PIGM: variants seen among roughly 807,000 people sequenced by gnomAD.
The protein encoded by PIGM is GPI alpha-1,4-mannosyltransferase I, catalytic subunit.
A neutral mutation model predicts 14.6 loss-of-function variants in PIGM; 7 were observed. The ratio of observed to expected loss-of-function variants is 0.48; its 90% confidence interval spans 0.27 to 0.90. The LOEUF (loss-of-function observed/expected upper bound fraction) is 0.90. PIGM is among the 40% of genes least tolerant of loss of function. PIGM has a pLI of 0.12. For missense variants in PIGM, 506 were observed against 516.2 expected (o/e 0.98, Z 0.19); for synonymous variants, 216 against 215.9 (o/e 1.00, Z 0.00).
chr1:160,031,873 C>A lies in PIGM; in HGVS notation c.-134G>T. 2 of 1,055,270 alleles carry A rather than the reference C, an allele frequency of 1.9e-6. No homozygotes were observed. Among genetic ancestry groups the A allele is most frequent in the South Asian group, 1.3e-5 (1 of 74,640 alleles). The allele number at this position is 1,055,270 out of a possible 1,614,324, so 65.4% of individuals were successfully genotyped here. A position where few individuals can be genotyped will look rare whatever the true frequency, so the allele number is the denominator to read the frequency against. On this transcript the variant is annotated 5_prime_UTR_variant, in exon 1 of 1. Transcript: ENST00000368090. Reference sequence around the variant, plus strand: ...GGCTGCCAACCGAAACGACTGCAGACTATCACATCCGGCATGAAGCCCCGC... The same window carrying A: ...GGCTGCCAACCGAAACGACTGCAGAATATCACATCCGGCATGAAGCCCCGC...
Position 160,031,662 on chromosome 1 carries a change from A to G in PIGM, c.78T>C (p.Phe26=). 1.9e-6 allele frequency: 3 copies of G among 1,614,174 alleles called. No homozygotes were observed. Among genetic ancestry groups the G allele is most frequent in the Non-Finnish European group, 2.5e-6 (3 of 1,180,032 alleles). The change falls in exon 1 of 1, where the codon TTT becomes TTC. Residue 26 remains phenylalanine (F), a synonymous_variant. Transcript: ENST00000368090. The part of the protein sequence containing the change: ...VAPAGVFGVA[F]LARVALVFYG... ...AGAAAACCAGGGCGACTCTGGCTAG[A>G]AAGGCCACACCAAAGACGCCGGCTG... is the stretch of plus-strand genomic sequence containing the variant.
chr1:160,031,905 A>ACTG lies in PIGM; in HGVS notation c.-169_-167dup. Reference sequence around the variant, plus strand: ...ATCCGGCATGAAGCCCCGCCCCCGTACTGCTACCTGTCTCCAGCCCCGCGC... The same window carrying ACTG: ...ATCCGGCATGAAGCCCCGCCCCCGTACTGCTGCTACCTGTCTCCAGCCCCGCGC... On this transcript the variant is annotated 5_prime_UTR_variant, in exon 1 of 1. Transcript: ENST00000368090. 3 of 885,858 alleles carry ACTG rather than the reference A, an allele frequency of 3.4e-6. No individual in the cohort carries two copies. In the South Asian group the frequency reaches 4.3e-5, roughly 13 times the overall value. 54.9% of individuals were successfully genotyped at this position (885,858 alleles called of 1,614,324 possible).
chr1:160,027,856 C>T lies in PIGM; in HGVS notation c.*2612G>A, dbSNP rs1648221344. 1 of 151,956 alleles carries T rather than the reference C, an allele frequency of 6.6e-6. No homozygotes were observed. The highest frequency in any genetic ancestry group is 2.4e-5 in the African/African-American group (1 of 41,348). The allele number at this position is 151,956 out of a possible 1,614,324, so 9.4% of individuals were successfully genotyped here. On this transcript the variant is annotated 3_prime_UTR_variant, in exon 1 of 1. Coordinates refer to ENST00000368090, the MANE Select transcript of PIGM (RefSeq NM_145167.3). The stretch of plus-strand genomic sequence containing the variant: ...TAAATGTTTTGGAACATACAAAGTG[C>T]AAAATATCTTTTGCATCCCTTTAAG...
In PIGM at chr1:160,030,422, A is replaced by G; in HGVS notation, c.*46T>C. ...CCCAAAGCTCTCTTCTGGTCCATAC[A>G]AGACAATCAGAATGTAACACAGTAG... On this transcript the variant is annotated 3_prime_UTR_variant, in exon 1 of 1. Transcript: ENST00000368090. 6.4e-7 allele frequency: 1 copy of G among 1,560,146 alleles called. No homozygotes were observed.
Position 160,031,510 on chromosome 1 carries a change from G to C in PIGM, c.230C>G (p.Thr77Ser), listed in dbSNP as rs143391350. 1.9e-6 allele frequency: 3 copies of C among 1,614,114 alleles called. No homozygotes were observed. Among genetic ancestry groups the C allele is most frequent in the African/African-American group, 1.3e-5 (1 of 74,934 alleles). ...AGTGAGGAGCCAACCCAGCAGCGGG[G>C]TGTAACGGTACGTGGCTCTCAGGTA... ...SPYLRATYRYTPLLGWLLTPN... is the reference protein window; with the variant it reads ...SPYLRATYRYSPLLGWLLTPN... The change falls in exon 1 of 1, where the codon ACC (threonine) becomes AGC (serine). Residue 77 changes from threonine to serine, a missense_variant. Thr to Ser is a moderately conservative substitution (Grantham distance 58). Transcript: ENST00000368090.
rs1331044870 is a variant in PIGM, at chr1:160,026,829, A to G, written c.*3639T>C. 6.6e-6 allele frequency: 1 copy of G among 152,006 alleles called. No homozygotes were observed. Among genetic ancestry groups the G allele is most frequent in the Non-Finnish European group, 1.5e-5 (1 of 67,972 alleles). The allele number at this position is 152,006 out of a possible 1,614,324, so 9.4% of individuals were successfully genotyped here. On this transcript the variant is annotated 3_prime_UTR_variant, in exon 1 of 1. Transcript: ENST00000368090. ...TGACAAAGCAACATCTTGTCTCAGAAAAATAAAAAAATAAAATAGTTGGAG... is the reference window on the plus strand; with the variant it reads ...TGACAAAGCAACATCTTGTCTCAGAGAAATAAAAAAATAAAATAGTTGGAG...
At position 160,031,353 on chromosome 1, in the gene PIGM, GAC is replaced by G. The variant is rs1188837664; in HGVS notation, c.385_386del (p.Val129LeufsTer5). On this transcript the variant is annotated frameshift_variant, in exon 1 of 1. Transcript: ENST00000368090. LOFTEE classifies it low-confidence loss of function (END_TRUNC). ...LGRRQACGYC[V>X]FWLLNPLPMA... ...TAGGCAGGGGGTTAAGAAGCCAAAA[GAC>G]ACAGTAGCCACAAGCCTGGCGGCGC... The G allele has an allele frequency of 6.2e-7, 1 of 1,608,726 alleles. No homozygotes were observed. The highest frequency in any genetic ancestry group is 8.5e-7 in the Non-Finnish European group (1 of 1,176,580).
Position 160,031,314 on chromosome 1 carries a change from G to A in PIGM, c.426C>T (p.Ser142=). 6.2e-7 allele frequency: 1 copy of A among 1,613,814 alleles called. No individual in the cohort carries two copies. Among genetic ancestry groups the A allele is most frequent in the Non-Finnish European group, 8.5e-7 (1 of 1,179,858 alleles). The change falls in exon 1 of 1, where the codon AGC becomes AGT. Residue 142 remains serine, a synonymous_variant. Transcript: ENST00000368090. The part of the protein sequence containing the change: ...LLNPLPMAVS[S]RGNADSIVAS... ...CGACAATAGAGTCCGCATTACCGCG[G>A]CTGGATACTGCCATAGGCAGGGGGT...
chr1:160,027,665 C>T lies in PIGM; in HGVS notation c.*2803G>A, dbSNP rs1349078318. On this transcript the variant is annotated 3_prime_UTR_variant, in exon 1 of 1. Coordinates refer to ENST00000368090, the MANE Select transcript of PIGM (RefSeq NM_145167.3). ...AAAAAAGAATTATATAGGAAATAAG[C>T]CAAAGTCTTATAAAATTTGAAGGTG... is the stretch of plus-strand genomic sequence containing the variant. 6.6e-6 allele frequency: 1 copy of T among 151,296 alleles called. No individual in the cohort carries two copies. The highest frequency in any genetic ancestry group is 1.5e-5 in the Non-Finnish European group (1 of 67,878). 9.4% of individuals were successfully genotyped at this position (151,296 alleles called of 1,614,324 possible).
rs570678144 is a variant in PIGM at position 160,027,983 on chromosome 1, A to G, written c.*2485T>C. On this transcript the variant is annotated 3_prime_UTR_variant, in exon 1 of 1. Transcript: ENST00000368090. ...GCAGAAATGTTTCTAACTTCTAAGA[A>G]TGTCCTAAGAGAATGAGCTAAAACA... The G allele has an allele frequency of 6.6e-6, 1 of 152,194 alleles. No individual in the cohort carries two copies. Among genetic ancestry groups the G allele is most frequent in the Non-Finnish European group, 1.5e-5 (1 of 68,028 alleles). The allele number at this position is 152,194 out of a possible 1,614,324, so 9.4% of individuals were successfully genotyped here. A position where few individuals can be genotyped will look rare whatever the true frequency, so the allele number is the denominator to read the frequency against.
rs1648288431 is a variant in PIGM at position 160,030,249 on chromosome 1, C to T, written c.*219G>A. ...TCCAATATGTGACCTTTATTCCCAC[C>T]ATGTCCCAAATAAACGAGTCCTAGG... On this transcript the variant is annotated 3_prime_UTR_variant, in exon 1 of 1. Coordinates refer to ENST00000368090, the MANE Select transcript of PIGM (RefSeq NM_145167.3). 4 of 510,842 alleles carry T rather than the reference C, an allele frequency of 7.8e-6. No individual in the cohort carries two copies. In the South Asian group the frequency reaches 8.4e-5, roughly 11 times the overall value. 31.6% of individuals were successfully genotyped at this position (510,842 alleles called of 1,614,324 possible). A position where few individuals can be genotyped will look rare whatever the true frequency, so the allele number is the denominator to read the frequency against.
chr1:160,028,230 C>T lies in PIGM; in HGVS notation c.*2238G>A, dbSNP rs937952137. 1 of 151,578 alleles carries T rather than the reference C, an allele frequency of 6.6e-6. No homozygotes were observed. Among genetic ancestry groups the T allele is most frequent in the African/African-American group, 2.4e-5 (1 of 41,240 alleles). The allele number at this position is 151,578 out of a possible 1,614,324, so 9.4% of individuals were successfully genotyped here. A position where few individuals can be genotyped will look rare whatever the true frequency, so the allele number is the denominator to read the frequency against. On this transcript the variant is annotated 3_prime_UTR_variant, in exon 1 of 1. Transcript: ENST00000368090. The stretch of plus-strand genomic sequence containing the variant: ...GTCAGAAATACAAAAAAAGGGACAA[C>T]TATACTGGAATGATGAAATTCGATT...
rs1362583470 is a variant in PIGM at position 160,027,849 on chromosome 1, C to T, written c.*2619G>A. On this transcript the variant is annotated 3_prime_UTR_variant, in exon 1 of 1. Coordinates refer to ENST00000368090, the MANE Select transcript of PIGM (RefSeq NM_145167.3). ...AACTTACTAAATGTTTTGGAACATA[C>T]AAAGTGCAAAATATCTTTTGCATCC... is the stretch of plus-strand genomic sequence containing the variant. The T allele has an allele frequency of 6.6e-6, 1 of 151,942 alleles. No individual in the cohort carries two copies. The highest frequency in any genetic ancestry group is 2.4e-5 in the African/African-American group (1 of 41,352). The allele number at this position is 151,942 out of a possible 1,614,324, so 9.4% of individuals were successfully genotyped here. A position where few individuals can be genotyped will look rare whatever the true frequency, so the allele number is the denominator to read the frequency against.
rs544329863 is a variant in PIGM at position 160,025,001 on chromosome 1, T to C, written c.*5467A>G. The C allele has an allele frequency of 4.6e-5, 7 of 152,260 alleles. No homozygotes were observed. The highest frequency in any genetic ancestry group is 8.8e-5 in the Non-Finnish European group (6 of 68,042). 9.4% of individuals were successfully genotyped at this position (152,260 alleles called of 1,614,324 possible). A position where few individuals can be genotyped will look rare whatever the true frequency, so the allele number is the denominator to read the frequency against. On this transcript the variant is annotated 3_prime_UTR_variant, in exon 1 of 1. Transcript: ENST00000368090. Reference sequence around the variant, plus strand: ...ATCTTTTCAAAGGAACAGGTCAAGATGAGAATAAAGTTTATGATCAAAGGT... The same window carrying C: ...ATCTTTTCAAAGGAACAGGTCAAGACGAGAATAAAGTTTATGATCAAAGGT...
At position 160,031,771 on chromosome 1, in the gene PIGM, G is replaced by A. The variant is rs1648345849; in HGVS notation, c.-32C>T. ...ACCGTGCGACAGCTGCTTAGCCCCA[G>A]CTCCAAACTGCCTTCGTACTTCTAA... On this transcript the variant is annotated 5_prime_UTR_variant, in exon 1 of 1. Transcript: ENST00000368090. 1.2e-6 allele frequency: 2 copies of A among 1,612,866 alleles called. No individual in the cohort carries two copies. The highest frequency in any genetic ancestry group is 2.2e-5 in the South Asian group (2 of 91,038).
Position 160,030,622 on chromosome 1 carries a change from G to A in PIGM, c.1118C>T (p.Ala373Val), listed in dbSNP as rs1648298583. Residue 373 changes from alanine to valine, a missense_variant, in exon 1 of 1, where the codon GCT becomes GTT. Coordinates refer to ENST00000368090, the MANE Select transcript of PIGM (RefSeq NM_145167.3). ...LWFIGQAMWL[A>V]PAYVLEFQGK... ...TTGAAACTCTAGAACATAGGCAGGA[G>A]CCAGCCACATGGCCTGCCCTATAAA... The A allele has an allele frequency of 6.2e-7, 1 of 1,614,082 alleles. No individual in the cohort carries two copies. Among genetic ancestry groups the A allele is most frequent in the Admixed American group, 1.7e-5 (1 of 60,002 alleles).
chr1:160,028,000 G>C lies in PIGM; in HGVS notation c.*2468C>G, dbSNP rs1648223890. Reference sequence around the variant, plus strand: ...TTCTAAGAATGTCCTAAGAGAATGAGCTAAAACACAGAAAATGTTGAAAGT... The same window carrying C: ...TTCTAAGAATGTCCTAAGAGAATGACCTAAAACACAGAAAATGTTGAAAGT... On this transcript the variant is annotated 3_prime_UTR_variant, in exon 1 of 1. Coordinates refer to ENST00000368090, the MANE Select transcript of PIGM (RefSeq NM_145167.3). The C allele has an allele frequency of 6.6e-6, 1 of 152,082 alleles. No homozygotes were observed. Among genetic ancestry groups the C allele is most frequent in the African/African-American group, 2.4e-5 (1 of 41,422 alleles). The allele number at this position is 152,082 out of a possible 1,614,324, so 9.4% of individuals were successfully genotyped here. A position where few individuals can be genotyped will look rare whatever the true frequency, so the allele number is the denominator to read the frequency against.
Position 160,031,894 on chromosome 1 carries a change from C to T in PIGM, c.-155G>A. 1 of 955,190 alleles carries T rather than the reference C, an allele frequency of 1.0e-6. No homozygotes were observed. 59.2% of individuals were successfully genotyped at this position (955,190 alleles called of 1,614,324 possible). ...CAGACTATCACATCCGGCATGAAGC[C>T]CCGCCCCCGTACTGCTACCTGTCTC... On this transcript the variant is annotated 5_prime_UTR_variant, in exon 1 of 1. Transcript: ENST00000368090.
rs143391350 is a variant in PIGM, at chr1:160,031,510, G to A, written c.230C>T (p.Thr77Ile). The change falls in exon 1 of 1, where the codon ACC (threonine) becomes ATC (isoleucine). Residue 77 changes from threonine to isoleucine, a missense_variant. Physicochemically the swap from Thr to Ile is moderately conservative, Grantham distance 89 (BLOSUM62 -1). Coordinates refer to ENST00000368090, the MANE Select transcript of PIGM (RefSeq NM_145167.3). ...SPYLRATYRY[T>I]PLLGWLLTPN... ...AGTGAGGAGCCAACCCAGCAGCGGG[G>A]TGTAACGGTACGTGGCTCTCAGGTA... The A allele has an allele frequency of 2.5e-4, 398 of 1,614,114 alleles. No individual in the cohort carries two copies. The highest frequency in any genetic ancestry group is 4.9e-4 in the Middle Eastern group (3 of 6,084).
Sources: gnomAD v4.1 joint callset for allele counts on GRCh38, gnomAD v4.1.1 for gene constraint, MANE v1.5 for transcripts, NCBI Gene and HGNC (gene_info 2026-07-23, HGNC 2026-07-21) for gene names.